The following AGFG1 variants were observed in gnomAD, a reference collection of about 807,000 sequenced individuals.
AGFG1 encodes the protein arf-GAP domain and FG repeat-containing protein 1.
Under a neutral mutation model 60.6 loss-of-function variants are expected in AGFG1, and 10 were observed. That is an observed-to-expected ratio of 0.16 (90% CI 0.10 to 0.28). The LOEUF is 0.28. AGFG1 is among the 10% of genes least tolerant of loss of function. AGFG1 has a pLI of 1.00. For synonymous variants in AGFG1, 247 were observed against 242.9 expected (o/e 1.02, Z -0.16); for missense variants, 537 against 676.5 (o/e 0.79, Z 2.29).
intron 2 of AGFG1, among the ~76,000 whole-genome samples, chr2:227,499,950 A>G (rs1163828166): frequency 1.3e-5 from 2 of 152,114 alleles, no homozygotes; most frequent in Admixed American, 6.5e-5. Context: ...TGTCTTTTTC[A>G]TTGCTCTGGC....
At chr2:227,500,549 A>G (rs958964405) in intron 2 of AGFG1, among the ~76,000 whole-genome samples, 5 of 152,196 alleles carry the variant, frequency 3.3e-5, no homozygotes, top group African/African-American at 1.2e-4. Flanking sequence ...GAGCCATAGC[A>G]CAATGGCCAG....
At chr2:227,484,677 G>GTTTTTTTTGTTTTTT (rs1690566267) in intron 1 of AGFG1, among the ~76,000 whole-genome samples, 1 of 115,904 alleles carries the variant, frequency 8.6e-6, no homozygotes, top group African/African-American at 3.3e-5. Flanking sequence ...AGATCTCTTA[G>GTTTTTTTTGTTTTTT]TTTTTTTTTT....
At chr2:227,481,160 A>G (rs1384494959) in intron 1 of AGFG1, among the ~76,000 whole-genome samples, 1 of 136,400 alleles carries the variant, frequency 7.3e-6, no homozygotes, top group Non-Finnish European at 1.5e-5. Flanking sequence ...TATAGTGCAG[A>G]CATATTTTCT....
intron 6 of AGFG1, among the ~76,000 whole-genome samples, chr2:227,533,313 C>T (rs1202257168): frequency 6.6e-6 from 1 of 152,100 alleles, no homozygotes; most frequent in Admixed American, 6.6e-5. Flanking sequence ...TTCTTCATTC[C>T]AGGGTAGGTA....
In AGFG1 at chr2:227,561,103, T is replaced by G. The variant is rs1693125974; in HGVS notation, c.*6608T>G. 1 of 152,184 alleles carries G rather than the reference T, an allele frequency of 6.6e-6. No individual in the cohort carries two copies. Among genetic ancestry groups the G allele is most frequent in the Non-Finnish European group, 1.5e-5 (1 of 67,978 alleles). The allele number at this position is 152,184 out of a possible 1,614,324, so 9.4% of individuals were successfully genotyped here. A position where few individuals can be genotyped will look rare whatever the true frequency, so the allele number is the denominator to read the frequency against. ...ATGAAAACTTACAGGCTGTTTTCAA[T>G]ATTCATTTCTGAAATACTTTAGTAT... On this transcript the variant is annotated 3_prime_UTR_variant, in exon 13 of 13. Coordinates refer to ENST00000310078, the MANE Select transcript of AGFG1 (RefSeq NM_004504.5).
intron 2 of AGFG1, among the ~76,000 whole-genome samples, chr2:227,493,738 C>G (rs531516093): frequency 2.6e-5 from 4 of 152,048 alleles, no homozygotes; most frequent in African/African-American, 4.8e-5. Flanking sequence ...TGTGTTACAC[C>G]GGCTTAGTGG....
intron 1 of AGFG1, among the ~76,000 whole-genome samples, chr2:227,473,070 C>G (rs1158295253): frequency 1.5e-5 from 2 of 134,262 alleles, no homozygotes; most frequent in Non-Finnish European, 3.1e-5. Context: ...ACCTGCTGGG[C>G]GCTCCTGCTG....
intron 7 of AGFG1, among the ~76,000 whole-genome samples, chr2:227,534,462 G>T (rs1692251020): frequency 6.6e-6 from 1 of 152,114 alleles, no homozygotes; most frequent in Non-Finnish European, 1.5e-5. Flanking sequence ...GGAGAATGCT[G>T]GGGAAATGAT....
intron 10 of AGFG1, among the ~76,000 whole-genome samples, chr2:227,542,408 A>G (rs1021336897): frequency 2.0e-5 from 3 of 152,122 alleles, no homozygotes; most frequent in South Asian, 4.1e-4. Context: ...TTCTGCATCT[A>G]TTGAGATACT....
In AGFG1 at chr2:227,560,488, A is replaced by T. The variant is rs1440995662; in HGVS notation, c.*5993A>T. The T allele has an allele frequency of 6.6e-6, 1 of 152,144 alleles. No homozygotes were observed. The highest frequency in any genetic ancestry group is 6.5e-5 in the Admixed American group (1 of 15,278). 9.4% of individuals were successfully genotyped at this position (152,144 alleles called of 1,614,324 possible). On this transcript the variant is annotated 3_prime_UTR_variant, in exon 13 of 13. Coordinates refer to ENST00000310078, the MANE Select transcript of AGFG1 (RefSeq NM_004504.5). The stretch of plus-strand genomic sequence containing the variant: ...CCTATGCTTTTAAATTAAACTGTTA[A>T]GACAGTCCATTGAAAGATTGTGGAA...
In AGFG1 at chr2:227,501,074, G is replaced by A. The variant is rs547516016; in HGVS notation, c.261+9434G>A. On this transcript the variant is annotated intron_variant, in intron 2 of 12. Coordinates refer to ENST00000310078, the MANE Select transcript of AGFG1 (RefSeq NM_004504.5). ...CTCTCAAAGTGCTGGGATTACAGGC[G>A]TGAGCCACCGTGCCCAGCCTAATTT... Among the ~76,000 whole-genome samples the A allele has an allele frequency of 1.8e-4, 27 of 151,954 alleles. No homozygotes were observed. The East Asian group carries it at 3.5e-3, about 20-fold the overall frequency.
intron 10 of AGFG1, among the ~76,000 whole-genome samples, chr2:227,539,460 CAT>C (rs1575109586): frequency 7.6e-5 from 6 of 79,180 alleles, no homozygotes; most frequent in Non-Finnish European, 1.4e-4. Context: ...ACAAAAAACA[CAT>C]GTTAACACTG....
In AGFG1 at chr2:227,472,533, A is replaced by G; in HGVS notation, c.112A>G (p.Thr38Ala). ...KCFDCDQRGPTYVNMTVGSFV... is the reference protein window; with the variant it reads ...KCFDCDQRGPAYVNMTVGSFV... Reference sequence around the variant, plus strand: ...CTTCGACTGCGACCAGCGCGGCCCCACCTACGTTAACATGACGGTCGGCTC... The same window carrying G: ...CTTCGACTGCGACCAGCGCGGCCCCGCCTACGTTAACATGACGGTCGGCTC... Residue 38 changes from threonine to alanine, a missense_variant, in exon 1 of 13, where the codon ACC (threonine) becomes GCC (alanine). Thr to Ala is a moderately conservative substitution (Grantham distance 58). Transcript: ENST00000310078. 1 of 1,582,184 alleles carries G rather than the reference A, an allele frequency of 6.3e-7. No homozygotes were observed. The highest frequency in any genetic ancestry group is 8.6e-7 in the Non-Finnish European group (1 of 1,164,102).
At chr2:227,505,674 G>A (rs1163565149) in intron 2 of AGFG1, among the ~76,000 whole-genome samples, 1 of 151,772 alleles carries the variant, frequency 6.6e-6, no homozygotes, top group Non-Finnish European at 1.5e-5. Flanking sequence ...CTCAGATTTT[G>A]TTCATTTTTA....
rs1001056985 is a variant in AGFG1, at chr2:227,559,404, A to G, written c.*4909A>G. On this transcript the variant is annotated 3_prime_UTR_variant, in exon 13 of 13. Transcript: ENST00000310078. ...AAGTCAGTTGTGTAAGTTTGGGCTGACAGTGGTATTTTCCAGTGAAGACTA... is the reference window on the plus strand; with the variant it reads ...AAGTCAGTTGTGTAAGTTTGGGCTGGCAGTGGTATTTTCCAGTGAAGACTA... The G allele has an allele frequency of 6.6e-6, 1 of 152,210 alleles. No individual in the cohort carries two copies. Among genetic ancestry groups the G allele is most frequent in the Non-Finnish European group, 1.5e-5 (1 of 68,030 alleles). The allele number at this position is 152,210 out of a possible 1,614,324, so 9.4% of individuals were successfully genotyped here.
intron 10 of AGFG1, among the ~76,000 whole-genome samples, chr2:227,546,527 A>G (rs2106238108): frequency 6.6e-6 from 1 of 152,262 alleles, no homozygotes; most frequent in Admixed American, 6.5e-5. Flanking sequence ...TGAACCCAGT[A>G]CCTCAGTTGG....
chr2:227,487,159 A>G (rs1267803424), intron 1 of AGFG1, among the ~76,000 whole-genome samples: 3 of 152,210 alleles, frequency 2.0e-5, no homozygotes, highest in Admixed American at 6.5e-5. Context: ...ATTCTTCAGC[A>G]TAGACGTTCA....
rs1692833881 is a variant in AGFG1 at position 227,551,947 on chromosome 2, C to T, written c.1379-12C>T. Reference sequence around the variant, plus strand: ...TGTTGTATGTAACTGATCAGCCCTTCTCTTCTGTCAGCGGCAACCTTTGGC... The same window carrying T: ...TGTTGTATGTAACTGATCAGCCCTTTTCTTCTGTCAGCGGCAACCTTTGGC... On this transcript the variant is annotated splice_polypyrimidine_tract_variant and intron_variant, in intron 10 of 12. Transcript: ENST00000310078. 9 of 1,613,360 alleles carry T rather than the reference C, an allele frequency of 5.6e-6. No individual in the cohort carries two copies. The Admixed American group carries it at 1.2e-4, about 21-fold the overall frequency.
rs995478746 is a variant in AGFG1 at position 227,536,356 on chromosome 2, C to A, written c.1206-269C>A. Among the ~76,000 whole-genome samples the A allele has an allele frequency of 3.9e-5, 6 of 151,996 alleles. No homozygotes were observed. In the East Asian group the frequency reaches 5.8e-4, roughly 15 times the overall value. ...AACATGAATATTAAGATAGTGGCAC[C>A]AAACTGTACTAGTCGTTACAATAGT... On this transcript the variant is annotated intron_variant, in intron 8 of 12. Coordinates refer to ENST00000310078, the MANE Select transcript of AGFG1 (RefSeq NM_004504.5).
Sources: gnomAD v4.1 joint callset for allele counts (sites outside exome capture counted in the v4.1 genomes callset) on GRCh38, gnomAD v4.1.1 for gene constraint, MANE v1.5 for transcripts, NCBI Gene and HGNC (gene_info 2026-07-23, HGNC 2026-07-21) for gene names.